Variants in ATP8A2 observed in about 807,000 individuals in gnomAD.
The protein encoded by ATP8A2 is phospholipid-transporting ATPase IB.
Under a neutral mutation model 165.6 loss-of-function variants are expected in ATP8A2, and 100 were observed. That is an observed-to-expected ratio of 0.60 (90% CI 0.51 to 0.71). ATP8A2 has a LOEUF of 0.71. Among genes scored for constraint, ATP8A2 ranks in the 30% least tolerant of loss-of-function variants. The probability of loss-of-function intolerance (pLI) is 0.00; values close to 1 mark genes in which losing one functional copy is unlikely to be tolerated. For synonymous variants in ATP8A2, 543 were observed against 548.8 expected, an observed-to-expected ratio of 0.99 and a Z score of 0.15; for missense variants, 1,227 against 1,479.5, an observed-to-expected ratio of 0.83 and a Z score of 2.80.
intron 27 of ATP8A2, among the ~76,000 whole-genome samples, chr13:25,815,617 A>G (rs1348448454): frequency 6.6e-6 from 1 of 152,206 alleles, no homozygotes; most frequent in African/African-American, 2.4e-5. Context: ...CACTTGAAAG[A>G]TAGTATTGCT....
intron 27 of ATP8A2, among the ~76,000 whole-genome samples, chr13:25,824,651 GC>G (rs1435052334): frequency 3.3e-5 from 5 of 152,128 alleles, no homozygotes; most frequent in Non-Finnish European, 7.3e-5. Flanking sequence ...AGGAGAGGAG[GC>G]CTGTATGCCC....
At chr13:25,913,737 G>A (rs552588211) in intron 33 of ATP8A2, among the ~76,000 whole-genome samples, 1 of 152,256 alleles carries the variant, frequency 6.6e-6, no homozygotes, top group South Asian at 2.1e-4. Flanking sequence ...ATGGTGAAAA[G>A]CAGCATTTTT....
At chr13:25,448,831 T>A (rs969397955) in intron 1 of ATP8A2, among the ~76,000 whole-genome samples, 2 of 152,054 alleles carry the variant, frequency 1.3e-5, no homozygotes, top group African/African-American at 2.4e-5. Flanking sequence ...TGTATTTTTT[T>A]AATTTTTATT....
intron 27 of ATP8A2, among the ~76,000 whole-genome samples, chr13:25,823,339 G>C (rs1252928326): frequency 3.3e-5 from 5 of 152,062 alleles, no homozygotes; most frequent in African/African-American, 7.2e-5. Context: ...TCTTTGAATA[G>C]TGTCTTTTTC....
intron 14 of ATP8A2, among the ~76,000 whole-genome samples, chr13:25,559,266 C>T (rs2039072200): frequency 6.6e-6 from 1 of 152,202 alleles, no homozygotes; most frequent in Non-Finnish European, 1.5e-5. Context: ...GGTGCAGTGG[C>T]TCACACCTGT....
Position 25,399,604 on chromosome 13 carries a change from G to A in ATP8A2, c.76+27316G>A, listed in dbSNP as rs1313992554. Among the ~76,000 whole-genome samples, 20 of 129,402 alleles carry A rather than the reference G, an allele frequency of 1.5e-4. No homozygotes were observed. The South Asian group carries it at 4.4e-3, about 28-fold the overall frequency. The allele number at this position is 129,402 out of a possible 152,430, so 84.9% of individuals were successfully genotyped here. A position where few individuals can be genotyped will look rare whatever the true frequency, so the allele number is the denominator to read the frequency against. On this transcript the variant is annotated intron_variant, in intron 1 of 36. Transcript: ENST00000381655. Reference sequence around the variant, plus strand: ...TTTTTAGTAGAGACGGGGTTTCACCGTTTTAGCCGGGATGGTCTCGATCTC... The same window carrying A: ...TTTTTAGTAGAGACGGGGTTTCACCATTTTAGCCGGGATGGTCTCGATCTC...
intron 24 of ATP8A2, among the ~76,000 whole-genome samples, chr13:25,617,188 T>A (rs1022175257): frequency 2.0e-5 from 3 of 152,210 alleles, no homozygotes; most frequent in Non-Finnish European, 2.9e-5. Flanking sequence ...AAAGCTAAAA[T>A]GCCAAACCGA....
chr13:25,886,853 G>GTAAATACTA (rs1953175628), intron 33 of ATP8A2, among the ~76,000 whole-genome samples: 1 of 152,258 alleles, frequency 6.6e-6, no homozygotes, highest in South Asian at 2.1e-4. Context: ...TACTACATAG[G>GTAAATACTA]CTTTATTTAC....
intron 1 of ATP8A2, among the ~76,000 whole-genome samples, chr13:25,430,232 T>G (rs1748589): frequency 0.66 from 100,527 of 151,604 alleles, 34,549 homozygotes; most frequent in East Asian, 0.99. Context: ...CTGTGACCTC[T>G]GGCGAATGTG....
chr13:25,627,748 T>C (rs2041139844), intron 24 of ATP8A2, among the ~76,000 whole-genome samples: 1 of 152,100 alleles, frequency 6.6e-6, no homozygotes, highest in South Asian at 2.1e-4. Context: ...ACTGAAAGTA[T>C]TGTCATTAAC....
intron 33 of ATP8A2, chr13:25,927,123 G>T (rs1954630637): frequency 2.2e-6 from 1 of 456,570 alleles, no homozygotes; most frequent in African/African-American, 2.0e-5. Context: ...CACATGCATG[G>T]TTTGTCCTGA....
intron 35 of ATP8A2, among the ~76,000 whole-genome samples, chr13:26,001,836 A>T (rs1361049827): frequency 1.3e-5 from 2 of 152,160 alleles, no homozygotes; most frequent in Non-Finnish European, 2.9e-5. Context: ...CATTTCCTTG[A>T]TAATGACCTT....
intron 33 of ATP8A2, among the ~76,000 whole-genome samples, chr13:25,881,375 A>G (rs752528666): frequency 6.6e-6 from 1 of 152,186 alleles, no homozygotes; most frequent in Non-Finnish European, 1.5e-5. Flanking sequence ...AACCACATCC[A>G]TGCTGAAGTT....
intron 33 of ATP8A2, among the ~76,000 whole-genome samples, chr13:25,893,289 G>C (rs1447914468): frequency 6.7e-6 from 1 of 148,424 alleles, no homozygotes; most frequent in Non-Finnish European, 1.5e-5. Flanking sequence ...CTATGAGTGA[G>C]AACATGCGGT....
chr13:25,978,350 G>GCTTCC lies in ATP8A2; in HGVS notation c.3377+9673_3377+9677dup, dbSNP rs1411206011. Reference sequence around the variant, plus strand: ...AGTGAGTTGTTTGCTTTTCCCTTCGGCTTCCCGTTTTGCCTACCTCCAACT... The same window carrying GCTTCC: ...AGTGAGTTGTTTGCTTTTCCCTTCGGCTTCCCTTCCCGTTTTGCCTACCTCCAACT... On this transcript the variant is annotated intron_variant, in intron 35 of 36. Transcript: ENST00000381655. Among the ~76,000 whole-genome samples the GCTTCC allele has an allele frequency of 9.0e-4, 137 of 152,206 alleles. 2 individuals carry two copies. The highest frequency in any genetic ancestry group is 3.2e-3 in the African/African-American group (133 of 41,530).
At chr13:25,654,612 A>G (rs17680098) in intron 24 of ATP8A2, among the ~76,000 whole-genome samples, 5,240 of 152,234 alleles carry the variant, frequency 0.034, 155 homozygotes, top group East Asian at 0.13. Flanking sequence ...TTTCATCACC[A>G]GACAGTGGGC....
At chr13:25,506,298 T>C (rs1408976954) in intron 2 of ATP8A2, among the ~76,000 whole-genome samples, 1 of 152,190 alleles carries the variant, frequency 6.6e-6, no homozygotes, top group Non-Finnish European at 1.5e-5. Flanking sequence ...GGTACATGCT[T>C]TTTTTGTCAT....
intron 33 of ATP8A2, among the ~76,000 whole-genome samples, chr13:25,891,843 A>G: frequency 6.6e-6 from 1 of 152,116 alleles, no homozygotes; most frequent in East Asian, 1.9e-4. Flanking sequence ...CTTTTGTCTG[A>G]CACAATTTAA....
chr13:25,712,913 C>A (rs2043184131), intron 25 of ATP8A2, among the ~76,000 whole-genome samples: 1 of 152,094 alleles, frequency 6.6e-6, no homozygotes, highest in Non-Finnish European at 1.5e-5. Context: ...TATGTGATTC[C>A]AGCAAAGATA....
Sources: gnomAD v4.1 joint callset for allele counts (sites outside exome capture counted in the v4.1 genomes callset) on GRCh38, gnomAD v4.1.1 for gene constraint, MANE v1.5 for transcripts, NCBI Gene and HGNC (gene_info 2026-07-23, HGNC 2026-07-21) for gene names.